CHD1: variants seen among roughly 807,000 people sequenced by gnomAD.
CHD1 encodes chromodomain helicase DNA binding protein 1.
Under a neutral mutation model 224.2 loss-of-function variants are expected in CHD1, and 36 were observed. The ratio of observed to expected loss-of-function variants is 0.16; its 90% CI spans 0.12 to 0.21. The LOEUF is 0.21. Ranked by LOEUF, CHD1 falls within the 10% of genes least tolerant of loss-of-function variation. The probability of loss-of-function intolerance (pLI) is 1.00; values close to 1 mark genes in which losing one functional copy is unlikely to be tolerated. For missense variants in CHD1, 1,378 were observed against 1,994.8 expected (o/e 0.69, Z 5.89); for synonymous variants, 668 against 658.3 (o/e 1.01, Z -0.23).
At chr5:98,898,807 T>C in intron 8 of CHD1, 43 bp from the exon 9 acceptor site, 2 of 1,105,640 alleles carry the variant, frequency 1.8e-6, no homozygotes, top group Admixed American at 1.7e-5. Flanking sequence ...AAATCTCCCA[T>C]AAATAACCTT....
chr5:98,856,159 A>G lies in CHD1; in HGVS notation c.*221T>C. 4 of 387,140 alleles carry G rather than the reference A, an allele frequency of 1.0e-5. No homozygotes were observed. Among genetic ancestry groups the G allele is most frequent in the Non-Finnish European group, 1.9e-5 (4 of 212,678 alleles). The allele number at this position is 387,140 out of a possible 1,614,324, so 24.0% of individuals were successfully genotyped here. On this transcript the variant is annotated 3_prime_UTR_variant, in exon 36 of 36. Transcript: ENST00000614616. ...CATTTCTTTAAAAAAGAAAACAAAA[A>G]AAAGTACTACAATTTTGTAGTACAG...
rs774465846 is a variant in CHD1 at position 98,893,617 on chromosome 5, TAGAA to T, written c.1801-15_1801-12del. 2.0e-6 allele frequency: 3 copies of T among 1,519,006 alleles called. No individual in the cohort carries two copies. The highest frequency in any genetic ancestry group is 4.8e-5 in the East Asian group (2 of 41,418). The allele number at this position is 1,519,006 out of a possible 1,614,324, so 94.1% of individuals were successfully genotyped here. A position where few individuals can be genotyped will look rare whatever the true frequency, so the allele number is the denominator to read the frequency against. The stretch of plus-strand genomic sequence containing the variant: ...ACCTCCAAGGAATGCCTTAAAATAA[TAGAA>T]AAACAGTATTTTGAGAGAAAAACGG... On this transcript the variant is annotated splice_polypyrimidine_tract_variant and intron_variant, in intron 13 of 35. Coordinates refer to ENST00000614616, the MANE Select transcript of CHD1 (RefSeq NM_001270.4).
chr5:98,919,393 T>C (rs1752947874), intron 2 of CHD1, among the ~76,000 whole-genome samples: 1 of 152,206 alleles, frequency 6.6e-6, no homozygotes, highest in Non-Finnish European at 1.5e-5. Flanking sequence ...TATCACATAA[T>C]TACACTCAAA....
Position 98,854,633 on chromosome 5 carries a change from T to TA in CHD1, c.*1746dup, listed in dbSNP as rs1277516756. On this transcript the variant is annotated 3_prime_UTR_variant, in exon 36 of 36. Coordinates refer to ENST00000614616, the MANE Select transcript of CHD1 (RefSeq NM_001270.4). The stretch of plus-strand genomic sequence containing the variant: ...GCATTATTATTCTTCAGGGTAACTG[T>TA]ATCAGAAAGAGAAATTACTGCAAAA... 11 of 152,220 alleles carry TA rather than the reference T, an allele frequency of 7.2e-5. No homozygotes were observed. In the East Asian group the frequency reaches 2.1e-3, roughly 29 times the overall value. The allele number at this position is 152,220 out of a possible 1,614,324, so 9.4% of individuals were successfully genotyped here.
intron 1 of CHD1, among the ~76,000 whole-genome samples, chr5:98,928,074 C>T (rs1176484179): frequency 1.8e-4 from 28 of 152,128 alleles, no homozygotes; most frequent in Admixed American, 1.8e-3. Flanking sequence ...CGCGGACCTG[C>T]CCCCCTCTCC....
chr5:98,859,342 C>T (rs1748292951), intron 33 of CHD1, among the ~76,000 whole-genome samples: 1 of 151,990 alleles, frequency 6.6e-6, no homozygotes, highest in Non-Finnish European at 1.5e-5. Flanking sequence ...AAATAATTAA[C>T]ATTGGTATAA....
rs879700833 is a variant in CHD1 at position 98,897,875 on chromosome 5, A to G, written c.1365+381T>C. On this transcript the variant is annotated intron_variant, in intron 10 of 35. Transcript: ENST00000614616. ...TCTACCTTCTAAGAAAATATCCACT[A>G]TCTTTAAAATTGAGCATATCTCTAG... Among the ~76,000 whole-genome samples the G allele has an allele frequency of 1.3e-5, 2 of 152,270 alleles. 1 individual carries two copies.
chr5:98,875,600 A>G (rs1749690410), intron 24 of CHD1, among the ~76,000 whole-genome samples: 1 of 152,194 alleles, frequency 6.6e-6, no homozygotes, highest in Non-Finnish European at 1.5e-5. Flanking sequence ...ATATCCAGGT[A>G]AAGTAGAAGT....
At position 98,854,632 on chromosome 5, in the gene CHD1, G is replaced by GT. The variant is rs896159289; in HGVS notation, c.*1747dup. The GT allele has an allele frequency of 6.6e-6, 1 of 151,936 alleles. No individual in the cohort carries two copies. The highest frequency in any genetic ancestry group is 2.4e-5 in the African/African-American group (1 of 41,372). The allele number at this position is 151,936 out of a possible 1,614,324, so 9.4% of individuals were successfully genotyped here. A position where few individuals can be genotyped will look rare whatever the true frequency, so the allele number is the denominator to read the frequency against. ...AGCATTATTATTCTTCAGGGTAACT[G>GT]TATCAGAAAGAGAAATTACTGCAAA... On this transcript the variant is annotated 3_prime_UTR_variant, in exon 36 of 36. Transcript: ENST00000614616.
intron 1 of CHD1, 115 bp from the exon 2 acceptor site, chr5:98,926,649 G>C (rs1004961314): frequency 1.2e-5 from 3 of 244,730 alleles, no homozygotes; most frequent in East Asian, 1.6e-4. Context: ...TGTTAAGGAA[G>C]AAGTGGGGGC....
intron 24 of CHD1, 31 bp from the exon 25 acceptor site, chr5:98,875,144 A>G (rs1749656228): frequency 3.8e-6 from 5 of 1,301,652 alleles, no homozygotes; most frequent in Admixed American, 1.9e-5. Context: ...GGTAAATGTG[A>G]GCTTCAGTAT....
At chr5:98,863,382 C>A in intron 32 of CHD1, 26 bp downstream of exon 32, 7 of 1,298,000 alleles carry the variant, frequency 5.4e-6, no homozygotes, top group Admixed American at 2.7e-5. Context: ...ATAAATTTAA[C>A]ACTTCCTGAA....
intron 2 of CHD1, among the ~76,000 whole-genome samples, chr5:98,914,651 G>T (rs1045187595): frequency 1.2e-4 from 19 of 152,092 alleles, no homozygotes; most frequent in Non-Finnish European, 2.9e-5. Context: ...TTCAGCAACG[G>T]TATCTTTCTC....
chr5:98,897,384 A>AGGCTTTC, intron 10 of CHD1, 64 bp from the exon 11 acceptor site: 1 of 1,182,500 alleles, frequency 8.5e-7, no homozygotes, highest in Non-Finnish European at 1.2e-6. Flanking sequence ...CTAAAAGATG[A>AGGCTTTC]AAGCCTCAGC....
intron 23 of CHD1, among the ~76,000 whole-genome samples, chr5:98,877,612 G>A (rs1467436575): frequency 6.6e-6 from 1 of 152,156 alleles, no homozygotes; most frequent in African/African-American, 2.4e-5. Flanking sequence ...CAAAGCCTTG[G>A]CACATATTCC....
intron 26 of CHD1, among the ~76,000 whole-genome samples, 170 bp from the exon 27 acceptor site, chr5:98,872,725 A>T (rs34487): frequency 0.64 from 97,573 of 152,136 alleles, 34,010 homozygotes; most frequent in African/African-American, 0.92. Flanking sequence ...AACAAGTGAT[A>T]ATAATCTTGC....
intron 2 of CHD1, among the ~76,000 whole-genome samples, chr5:98,924,276 T>C (rs1753302707): frequency 6.6e-6 from 1 of 151,486 alleles, no homozygotes; most frequent in Admixed American, 6.6e-5. Context: ...AAAAAAAAAA[T>C]TGTGGGTGGA....
intron 31 of CHD1, among the ~76,000 whole-genome samples, chr5:98,866,149 T>C (rs988526728): frequency 5.9e-5 from 9 of 151,834 alleles, no homozygotes; most frequent in African/African-American, 2.2e-4. Flanking sequence ...CAAAAACGGT[T>C]ACCCTTGAAA....
intron 25 of CHD1, 133 bp from the exon 26 acceptor site, chr5:98,873,856 G>A: frequency 6.0e-6 from 4 of 663,184 alleles, no homozygotes; most frequent in South Asian, 3.2e-5. Context: ...TCACATAAAT[G>A]GCAGGAAACA....
Sources: allele counts gnomAD v4.1 joint callset (sites outside exome capture counted in the v4.1 genomes callset), GRCh38; gene constraint gnomAD v4.1.1; transcripts MANE v1.5; gene names NCBI Gene and HGNC (gene_info 2026-07-23, HGNC 2026-07-21).